The following AGBL4 variants were observed in gnomAD, a reference collection of about 807,000 sequenced individuals.
AGBL4 encodes cytosolic carboxypeptidase 6.
In AGBL4, 58 loss-of-function variants were observed where a neutral mutation model predicts 66.4. The ratio of observed to expected loss-of-function variants is 0.87; its 90% confidence interval spans 0.71 to 1.09. The LOEUF (loss-of-function observed/expected upper bound fraction) is 1.09. Ranked by LOEUF, AGBL4 falls within the 50% of genes least tolerant of loss-of-function variation. The pLI, the probability that AGBL4 is intolerant of heterozygous loss-of-function variation, is 0.00. For synonymous variants in AGBL4, 234 were observed against 222.9 expected, an observed-to-expected ratio of 1.05 and a Z score of -0.44; for missense variants, 579 against 631.0, an observed-to-expected ratio of 0.92 and a Z score of 0.88.
In AGBL4 at chr1:49,290,102, T is replaced by A. The variant is rs559390604; in HGVS notation, c.283-44238A>T. On this transcript the variant is annotated intron_variant, in intron 3 of 13. Transcript: ENST00000371839. ...AATTTAAATAAAATCATCAAATTAC[T>A]CAAAAACACAATTTATTGAAATAAA... 3.9e-5 allele frequency among the ~76,000 whole-genome samples: 6 copies of A among 152,304 alleles called. No individual in the cohort carries two copies. In the South Asian group the frequency reaches 1.2e-3, roughly 32 times the overall value.
chr1:49,622,369 C>G (rs939754683), intron 3 of AGBL4, among the ~76,000 whole-genome samples: 3 of 152,074 alleles, frequency 2.0e-5, no homozygotes, highest in Non-Finnish European at 4.4e-5. Context: ...GTGGCTCACG[C>G]CTGTAATCCC....
At chr1:49,252,450 AAGAT>A (rs1344831953) in intron 3 of AGBL4, among the ~76,000 whole-genome samples, 2 of 152,178 alleles carry the variant, frequency 1.3e-5, no homozygotes, top group Non-Finnish European at 2.9e-5. Flanking sequence ...GTCCCTGAAA[AAGAT>A]AGGGAGAATG....
intron 1 of AGBL4, among the ~76,000 whole-genome samples, chr1:49,949,150 T>C (rs1655834828): frequency 6.6e-6 from 1 of 151,838 alleles, no homozygotes; most frequent in Admixed American, 6.6e-5. Context: ...TGTAGGAGAA[T>C]GAAACTGGAT....
Position 49,630,103 on chromosome 1 carries a change from G to A in AGBL4, c.282+67210C>T, listed in dbSNP as rs184674057. ...TCCTGGTTGTTAAACACCTCCAGCT[G>A]GTCTATATTACTTCAGAGCATCATT... On this transcript the variant is annotated intron_variant, in intron 3 of 13. Transcript: ENST00000371839. 1.6e-3 allele frequency among the ~76,000 whole-genome samples: 239 copies of A among 152,094 alleles called. 1 individual carries two copies. Among genetic ancestry groups the A allele is most frequent in the African/African-American group, 4.9e-3 (204 of 41,488 alleles).
intron 2 of AGBL4, among the ~76,000 whole-genome samples, chr1:49,700,298 AATAGATAGATAGATAGATAG>A (rs59788309): frequency 6.1e-5 from 9 of 146,368 alleles, no homozygotes; most frequent in Admixed American, 4.8e-4. Flanking sequence ...AAAAACATTA[AATAGATAGATAGATAGATAG>A]ATAGATAGAT....
chr1:48,704,374 T>A (rs320045), intron 6 of AGBL4, among the ~76,000 whole-genome samples: 139,912 of 152,224 alleles, frequency 0.92, 65,420 homozygotes, highest in Non-Finnish European at 1. Flanking sequence ...GTTAAAAATA[T>A]TTTTCTTTTT....
At chr1:49,085,554 T>C (rs897126004) in intron 4 of AGBL4, among the ~76,000 whole-genome samples, 1 of 151,784 alleles carries the variant, frequency 6.6e-6, no homozygotes, top group Non-Finnish European at 1.5e-5. Context: ...GCTGTTCTCA[T>C]GGAGAGGAAA....
intron 3 of AGBL4, among the ~76,000 whole-genome samples, chr1:49,483,883 A>C (rs1221019991): frequency 6.6e-6 from 1 of 152,064 alleles, no homozygotes; most frequent in African/African-American, 2.4e-5. Flanking sequence ...AGAATATATA[A>C]AGAGCTCAAA....
At chr1:49,687,201 A>T (rs1448304448) in intron 3 of AGBL4, among the ~76,000 whole-genome samples, 1 of 152,160 alleles carries the variant, frequency 6.6e-6, no homozygotes, top group African/African-American at 2.4e-5. Context: ...TGAAGGATGA[A>T]CTTAAATTGC....
At chr1:49,861,645 T>G (rs1276065609) in intron 1 of AGBL4, among the ~76,000 whole-genome samples, 2 of 152,338 alleles carry the variant, frequency 1.3e-5, no homozygotes, top group South Asian at 2.1e-4. Context: ...ATCTTGGATT[T>G]GAGCTACCTC....
chr1:48,955,624 C>T (rs1447009285), intron 5 of AGBL4, among the ~76,000 whole-genome samples: 2 of 152,176 alleles, frequency 1.3e-5, no homozygotes, highest in Admixed American at 1.3e-4. Flanking sequence ...CTCAAGTAAT[C>T]CTCCCACCCG....
intron 5 of AGBL4, among the ~76,000 whole-genome samples, chr1:49,036,728 T>G (rs1664693197): frequency 6.6e-6 from 1 of 151,066 alleles, no homozygotes; most frequent in Non-Finnish European, 1.5e-5. Context: ...CAGCTAATTT[T>G]TTTTTTTTTT....
At chr1:48,933,881 T>C (rs1655240034) in intron 5 of AGBL4, among the ~76,000 whole-genome samples, 1 of 152,210 alleles carries the variant, frequency 6.6e-6, no homozygotes, top group African/African-American at 2.4e-5. Flanking sequence ...CTTTCTTTGC[T>C]TAAGCTCTGC....
chr1:49,599,404 G>C (rs995031620), intron 3 of AGBL4, among the ~76,000 whole-genome samples: 1 of 152,160 alleles, frequency 6.6e-6, no homozygotes, highest in Non-Finnish European at 1.5e-5. Flanking sequence ...GGTGTTTACA[G>C]TATTTTCTGA....
chr1:49,332,772 G>A (rs114729523), intron 3 of AGBL4, among the ~76,000 whole-genome samples: 65 of 152,128 alleles, frequency 4.3e-4, no homozygotes, highest in African/African-American at 1.5e-3. Context: ...CTATACATAC[G>A]TACCTGAAAA....
At chr1:48,657,671 G>A (rs1046325510) in intron 7 of AGBL4, among the ~76,000 whole-genome samples, 36 of 150,024 alleles carry the variant, frequency 2.4e-4, no homozygotes, top group African/African-American at 8.6e-4. Context: ...CAAACAGTGT[G>A]GATAGAAGGT....
At chr1:49,822,153 T>C (rs1312155500) in intron 2 of AGBL4, among the ~76,000 whole-genome samples, 4 of 152,162 alleles carry the variant, frequency 2.6e-5, no homozygotes, top group Non-Finnish European at 5.9e-5. Flanking sequence ...TTGGGGGGGT[T>C]TTATTCACAT....
chr1:49,617,306 A>T (rs1417583844), intron 3 of AGBL4, among the ~76,000 whole-genome samples: 1 of 152,144 alleles, frequency 6.6e-6, no homozygotes, highest in Non-Finnish European at 1.5e-5. Context: ...TCATCTTCAG[A>T]TATTTGCACA....
intron 3 of AGBL4, among the ~76,000 whole-genome samples, chr1:49,680,732 A>C (rs1028786933): frequency 3.7e-4 from 56 of 152,228 alleles, no homozygotes; most frequent in Non-Finnish European, 1.6e-4. Flanking sequence ...AGGTTCACCC[A>C]ATCTATAGGT....
Sources: allele counts gnomAD v4.1 joint callset (sites outside exome capture counted in the v4.1 genomes callset), GRCh38; gene constraint gnomAD v4.1.1; transcripts MANE v1.5; gene names NCBI Gene and HGNC (gene_info 2026-07-23, HGNC 2026-07-21).